Variants in PITPNM3 observed in about 807,000 individuals in gnomAD.
PITPNM3 encodes membrane-associated phosphatidylinositol transfer protein 3.
In PITPNM3, 26 loss-of-function variants were observed where a neutral mutation model predicts 102.0. That is an observed-to-expected ratio of 0.25 (90% CI 0.19 to 0.35). The LOEUF (loss-of-function observed/expected upper bound fraction) is 0.35. Ranked by LOEUF, PITPNM3 falls within the 10% of genes least tolerant of loss-of-function variation. PITPNM3 has a pLI of 1.00. For synonymous variants in PITPNM3, 578 were observed against 558.6 expected, an observed-to-expected ratio of 1.03 and a Z score of -0.49; for missense variants, 1,083 against 1,346.1, an observed-to-expected ratio of 0.80 and a Z score of 3.06.
At chr17:6,490,371 G>T (rs576818481) in intron 4 of PITPNM3, among the ~76,000 whole-genome samples, 1 of 152,058 alleles carries the variant, frequency 6.6e-6, no homozygotes, top group Non-Finnish European at 1.5e-5. Context: ...TACATTCCCC[G>T]GTAAGAGTCA....
In PITPNM3 at chr17:6,538,095, A is replaced by G; in HGVS notation, c.23-13T>C. On this transcript the variant is annotated splice_polypyrimidine_tract_variant and intron_variant, in intron 1 of 19. Transcript: ENST00000262483. ...GGGGGAGGACCACCTGTTAAAGGGA[A>G]CACATCTGTTAACCAAGCCTGAGAT... 1 of 1,584,502 alleles carries G rather than the reference A, an allele frequency of 6.3e-7. No individual in the cohort carries two copies. The highest frequency in any genetic ancestry group is 8.7e-7 in the Non-Finnish European group (1 of 1,153,350).
chr17:6,462,058 T>C (rs1283589883), intron 17 of PITPNM3, among the ~76,000 whole-genome samples: 1 of 152,140 alleles, frequency 6.6e-6, no homozygotes, highest in Non-Finnish European at 1.5e-5. Context: ...ACCTGAGCCC[T>C]GTAACCCTGG....
chr17:6,550,742 T>C (rs916524011), intron 1 of PITPNM3, among the ~76,000 whole-genome samples: 4 of 152,222 alleles, frequency 2.6e-5, no homozygotes, highest in African/African-American at 9.6e-5. Flanking sequence ...GCAGGGACAC[T>C]GTCCAGCCAT....
At position 6,478,177 on chromosome 17, in the gene PITPNM3, T is replaced by TC; in HGVS notation, c.778-81dup. On this transcript the variant is annotated intron_variant, in intron 7 of 19. Coordinates refer to ENST00000262483, the MANE Select transcript of PITPNM3 (RefSeq NM_031220.4). The surrounding 1 kb of genome is among the most constrained non-coding windows in gnomAD (Gnocchi z 4.4). ...CACACCCGGCCAGAGCAGTGCTGCCTCCCCACAGGAGAATGAGAAACTCGT... is the reference window on the plus strand; with the variant it reads ...CACACCCGGCCAGAGCAGTGCTGCCTCCCCCACAGGAGAATGAGAAACTCGT... 1 of 1,595,772 alleles carries TC rather than the reference T, an allele frequency of 6.3e-7. No homozygotes were observed. Among genetic ancestry groups the TC allele is most frequent in the Non-Finnish European group, 8.5e-7 (1 of 1,173,938 alleles).
chr17:6,516,755 C>T (rs1908211692), intron 3 of PITPNM3, among the ~76,000 whole-genome samples: 3 of 151,856 alleles, frequency 2.0e-5, no homozygotes, highest in Admixed American at 6.6e-5. Flanking sequence ...AAAGGCTGGG[C>T]ATGGTGGCAA....
At chr17:6,483,424 C>T (rs1036665875) in intron 6 of PITPNM3, 93 bp downstream of exon 6, 75 of 1,242,886 alleles carry the variant, frequency 6.0e-5, no homozygotes, top group Non-Finnish European at 8.6e-5. Context: ...TGCAGGTACC[C>T]ACCTGCCCAC....
chr17:6,505,193 A>ATATATATATATATATATATATATATAT (rs1198801942), intron 3 of PITPNM3, among the ~76,000 whole-genome samples: 12 of 72,270 alleles, frequency 1.7e-4, no homozygotes, highest in African/African-American at 5.0e-4. Context: ...GAAGACAAAT[A>ATATATATATATATATATATATATATAT]AAATATATAT....
At chr17:6,530,582 C>G (rs1006623027) in intron 2 of PITPNM3, among the ~76,000 whole-genome samples, 1 of 152,206 alleles carries the variant, frequency 6.6e-6, no homozygotes, top group Non-Finnish European at 1.5e-5. Flanking sequence ...CCTCCAGCTT[C>G]TAGCTCAGAG....
intron 8 of PITPNM3, 72 bp from the exon 9 acceptor site, chr17:6,477,285 C>T: frequency 6.7e-7 from 1 of 1,499,848 alleles, no homozygotes; most frequent in South Asian, 1.1e-5. Context: ...TTGTCTCCTC[C>T]CCCCAAGCAC....
chr17:6,507,539 G>A (rs1317187137), intron 3 of PITPNM3, among the ~76,000 whole-genome samples: 1 of 152,048 alleles, frequency 6.6e-6, no homozygotes, highest in Non-Finnish European at 1.5e-5. Flanking sequence ...AGCCGAGATA[G>A]TGCCACTGCA....
At position 6,474,698 on chromosome 17, in the gene PITPNM3, T is replaced by C. The variant is rs1035058002; in HGVS notation, c.1086-94A>G. On this transcript the variant is annotated intron_variant, in intron 9 of 19. Transcript: ENST00000262483. ...AGCAGCGCAGCCTGAATTCTGAGCG[T>C]GAAGTGCCCAACCCTCCATCTCTGG... is the stretch of plus-strand genomic sequence containing the variant. 219 of 1,412,192 alleles carry C rather than the reference T, an allele frequency of 1.6e-4. 2 individuals carry two copies. In the Middle Eastern group the frequency reaches 3.0e-3, roughly 19 times the overall value. 87.5% of individuals were successfully genotyped at this position (1,412,192 alleles called of 1,614,324 possible). A position where few individuals can be genotyped will look rare whatever the true frequency, so the allele number is the denominator to read the frequency against.
intron 3 of PITPNM3, among the ~76,000 whole-genome samples, chr17:6,519,630 C>G (rs58780565): frequency 0.13 from 19,683 of 151,490 alleles, 3,352 homozygotes; most frequent in African/African-American, 0.39. Flanking sequence ...AGGAGTTCGA[C>G]ACCAGCCTGG....
At position 6,523,708 on chromosome 17, in the gene PITPNM3, G is replaced by A. The variant is rs547356536; in HGVS notation, c.226+1648C>T. On this transcript the variant is annotated intron_variant, in intron 3 of 19. Coordinates refer to ENST00000262483, the MANE Select transcript of PITPNM3 (RefSeq NM_031220.4). The stretch of plus-strand genomic sequence containing the variant: ...CTTCTAGGCCCCCTCTGGGGTTCTT[G>A]GGATGAAGGAAAGAGCAGCAAAGGA... 1.1e-4 allele frequency among the ~76,000 whole-genome samples: 17 copies of A among 152,362 alleles called. No individual in the cohort carries two copies. The South Asian group carries it at 1.9e-3, about 17-fold the overall frequency.
At chr17:6,503,692 G>T in intron 3 of PITPNM3, 118 bp from the exon 4 acceptor site, 1 of 1,023,296 alleles carries the variant, frequency 9.8e-7, no homozygotes, top group Non-Finnish European at 1.5e-6. Context: ...GGGATGGGCA[G>T]AAGTATCTCC....
At position 6,457,650 on chromosome 17, in the gene PITPNM3, C is replaced by T; in HGVS notation, c.2563G>A (p.Ala855Thr). Residue 855 changes from alanine (A) to threonine (T), a missense_variant, in exon 19 of 20, where the codon GCC becomes ACC. Transcript: ENST00000262483. This position sits in a 1 kb window ranked among gnomAD's most constrained non-coding sequence, Gnocchi z 4.7. The part of the protein sequence containing the change: ...ISVYSVLGLP[A>T]SQIFIVGRPT... ...CGGCCCACAATGAAGATCTGGGAGG[C>T]AGGCAGGCCCAGCACGCTGTAGACA... 1 of 1,611,756 alleles carries T rather than the reference C, an allele frequency of 6.2e-7. No homozygotes were observed. Among genetic ancestry groups the T allele is most frequent in the Non-Finnish European group, 8.5e-7 (1 of 1,179,266 alleles).
intron 14 of PITPNM3, among the ~76,000 whole-genome samples, chr17:6,466,469 G>A (rs1904774940): frequency 6.6e-6 from 1 of 152,136 alleles, no homozygotes; most frequent in Admixed American, 6.5e-5. Flanking sequence ...GGAGCAGCTG[G>A]TTCATGAATA....
chr17:6,514,838 T>G (rs1312033411), intron 3 of PITPNM3, among the ~76,000 whole-genome samples: 1 of 152,192 alleles, frequency 6.6e-6, no homozygotes, highest in African/African-American at 2.4e-5. Flanking sequence ...AGCCAAAAAG[T>G]AGAAACAACT....
At chr17:6,515,159 A>T (rs1268827610) in intron 3 of PITPNM3, among the ~76,000 whole-genome samples, 1 of 151,812 alleles carries the variant, frequency 6.6e-6, no homozygotes, top group East Asian at 1.9e-4. Context: ...ACTTTGGGAG[A>T]CCGAGGTGGG....
intron 4 of PITPNM3, among the ~76,000 whole-genome samples, chr17:6,501,792 C>T (rs1907194603): frequency 6.6e-6 from 1 of 152,144 alleles, no homozygotes; most frequent in South Asian, 2.1e-4. Flanking sequence ...GAGTTGGATT[C>T]CTGGCCCTTC....
Sources: allele counts gnomAD v4.1 joint callset (sites outside exome capture counted in the v4.1 genomes callset), GRCh38; gene constraint gnomAD v4.1.1; non-coding constraint Gnocchi (gnomAD v3.1); transcripts MANE v1.5; gene names NCBI Gene and HGNC (gene_info 2026-07-23, HGNC 2026-07-21).